WASHC5: variants seen among roughly 807,000 people sequenced by gnomAD.
WASHC5 encodes the protein WASH complex subunit strumpellin.
WASHC5 carries 101 observed loss-of-function variants against 150.4 expected under a neutral mutation model. The ratio of observed to expected loss-of-function variants is 0.67; its 90% CI spans 0.57 to 0.79. WASHC5 has a LOEUF of 0.79. WASHC5 is among the 30% of genes least tolerant of loss of function. The probability of loss-of-function intolerance (pLI) is 0.00; values close to 1 mark genes in which losing one functional copy is unlikely to be tolerated. For missense variants in WASHC5, 1,195 were observed against 1,396.3 expected, an observed-to-expected ratio of 0.86 and a Z score of 2.30; for synonymous variants, 467 against 491.2, an observed-to-expected ratio of 0.95 and a Z score of 0.65.
intron 17 of WASHC5, among the ~76,000 whole-genome samples, chr8:125,051,463 G>A (rs1337395372): frequency 1.3e-5 from 2 of 152,140 alleles, no homozygotes; most frequent in Admixed American, 1.3e-4. Context: ...AACTGCAAGG[G>A]GGTTACAAAA....
intron 8 of WASHC5, 142 bp downstream of exon 8, chr8:125,074,855 AT>A: frequency 1.4e-6 from 1 of 697,240 alleles, no homozygotes; most frequent in Non-Finnish European, 2.6e-6. Flanking sequence ...ATTCTAACCT[AT>A]AAAATTCACC....
intron 9 of WASHC5, among the ~76,000 whole-genome samples, chr8:125,071,105 G>C (rs1371714823): frequency 1.3e-5 from 2 of 152,246 alleles, no homozygotes; most frequent in Non-Finnish European, 2.9e-5. Flanking sequence ...GCCTGTCTCA[G>C]AGTTGGTCCT....
chr8:125,044,358 T>C, intron 21 of WASHC5, 178 bp downstream of exon 21: 2 of 744,830 alleles, frequency 2.7e-6, no homozygotes, highest in South Asian at 3.2e-5. Context: ...AGTACTATGC[T>C]GGCCAAACAA....
chr8:125,045,277 T>A (rs1816028972), intron 20 of WASHC5, among the ~76,000 whole-genome samples: 1 of 152,196 alleles, frequency 6.6e-6, no homozygotes, highest in African/African-American at 2.4e-5. Flanking sequence ...CAACCAACCA[T>A]ATTTACTGGG....
chr8:125,083,086 A>G (rs755988585), intron 3 of WASHC5, 27 bp downstream of exon 3: 2 of 1,381,728 alleles, frequency 1.4e-6, no homozygotes, highest in Non-Finnish European at 2.1e-6. Context: ...TACTACCAGA[A>G]TAAGCTATTC....
chr8:125,061,814 C>G (rs1816603551), intron 11 of WASHC5, among the ~76,000 whole-genome samples: 1 of 152,120 alleles, frequency 6.6e-6, no homozygotes, highest in Non-Finnish European at 1.5e-5. Flanking sequence ...AGGCAAAGTT[C>G]TAAGTATTTG....
intron 5 of WASHC5, 107 bp from the exon 6 acceptor site, chr8:125,079,037 G>C: frequency 1.1e-6 from 1 of 897,832 alleles, no homozygotes; most frequent in Admixed American, 1.9e-5. Flanking sequence ...TATAGTTTCA[G>C]ATATGATCAC....
intron 9 of WASHC5, among the ~76,000 whole-genome samples, chr8:125,072,905 A>C (rs180693013): frequency 1.7e-4 from 26 of 152,300 alleles, no homozygotes; most frequent in African/African-American, 5.8e-4. Flanking sequence ...GATCAGTGAC[A>C]AGCTCCTTGA....
intron 27 of WASHC5, among the ~76,000 whole-genome samples, chr8:125,030,871 G>A (rs940774235): frequency 2.0e-5 from 3 of 152,102 alleles, no homozygotes; most frequent in African/African-American, 7.2e-5. Context: ...GCAAGACATC[G>A]GGAACAGGTG....
intron 9 of WASHC5, among the ~76,000 whole-genome samples, chr8:125,072,399 G>A (rs1432092791): frequency 6.7e-6 from 1 of 150,018 alleles, no homozygotes; most frequent in African/African-American, 2.5e-5. Context: ...TTTGAGACGT[G>A]GTCTTGCTCT....
chr8:125,083,389 G>A, intron 2 of WASHC5, 131 bp from the exon 3 acceptor site: 2 of 813,870 alleles, frequency 2.5e-6, no homozygotes, highest in Non-Finnish European at 3.9e-6. Context: ...ACAGAAAGTA[G>A]TGAAGATAAT....
chr8:125,076,506 A>G lies in WASHC5; in HGVS notation c.712-6T>C. ...GGCAAAGGATACGCTGAGACCTGCA[A>G]TGTCAAGACGACACCCCGAGAAAGC... is the stretch of plus-strand genomic sequence containing the variant. On this transcript the variant is annotated splice_region_variant and splice_polypyrimidine_tract_variant and intron_variant, in intron 6 of 28. Coordinates refer to ENST00000318410, the MANE Select transcript of WASHC5 (RefSeq NM_014846.4). 1.2e-6 allele frequency: 2 copies of G among 1,613,708 alleles called. No homozygotes were observed. Among genetic ancestry groups the G allele is most frequent in the Non-Finnish European group, 1.7e-6 (2 of 1,179,896 alleles).
chr8:125,047,102 A>C lies in WASHC5; in HGVS notation c.2504+105T>G, dbSNP rs568692734. The C allele has an allele frequency of 5.2e-5, 71 of 1,371,658 alleles. 1 individual carries two copies. The South Asian group carries it at 6.8e-4, about 13-fold the overall frequency. The allele number at this position is 1,371,658 out of a possible 1,614,324, so 85.0% of individuals were successfully genotyped here. A position where few individuals can be genotyped will look rare whatever the true frequency, so the allele number is the denominator to read the frequency against. The stretch of plus-strand genomic sequence containing the variant: ...TAAAGGGTCAGAATATGAGTTGACA[A>C]GTGCAGGACCCCCGTGACTGGAATA... On this transcript the variant is annotated intron_variant, in intron 20 of 28. Coordinates refer to ENST00000318410, the MANE Select transcript of WASHC5 (RefSeq NM_014846.4).
intron 1 of WASHC5, among the ~76,000 whole-genome samples, chr8:125,084,649 T>C (rs1472963996): frequency 2.9e-4 from 44 of 152,370 alleles, no homozygotes. Context: ...ATGCACTCTC[T>C]GAGGATGGTT....
Position 125,039,845 on chromosome 8 carries a change from A to G in WASHC5, c.2904T>C (p.Ser968=), listed in dbSNP as rs139669979. The G allele has an allele frequency of 1.2e-6, 2 of 1,613,982 alleles. No homozygotes were observed. The highest frequency in any genetic ancestry group is 1.7e-6 in the Non-Finnish European group (2 of 1,179,978). The part of the protein sequence containing the change: ...RQQIANELNY[S]CRFDSKHLAA... ...CCAGATGTTTAGAATCAAACCGACA[A>G]GAATAATTTAATTCATTGGCAATCT... The change falls in exon 24 of 29, where the codon TCT becomes TCC. Residue 968 remains serine (S), a synonymous_variant. Transcript: ENST00000318410.
chr8:125,072,990 A>T (rs953853417), intron 9 of WASHC5, among the ~76,000 whole-genome samples, 163 bp downstream of exon 9: 1 of 152,214 alleles, frequency 6.6e-6, no homozygotes, highest in African/African-American at 2.4e-5. Context: ...CAGGTATGCT[A>T]GTGGCCTATC....
chr8:125,050,567 G>A lies in WASHC5; in HGVS notation c.2196C>T (p.Ala732=). 2 of 1,612,676 alleles carry A rather than the reference G, an allele frequency of 1.2e-6. No homozygotes were observed. Among genetic ancestry groups the A allele is most frequent in the Non-Finnish European group, 1.7e-6 (2 of 1,178,674 alleles). ...GCCCACTCTGGTCACTGGGTACCTT[G>A]GCTCGAGGGTTGAATATCAGTCCCC... ...LHRGLIFNPR[A]KPSELMPKLK... Residue 732 remains alanine, a synonymous_variant, in exon 18 of 29, where the codon GCC becomes GCT. Transcript: ENST00000318410.
intron 26 of WASHC5, among the ~76,000 whole-genome samples, chr8:125,033,705 C>T (rs1455766904): frequency 6.6e-6 from 1 of 151,952 alleles, no homozygotes; most frequent in Non-Finnish European, 1.5e-5. Flanking sequence ...TGTGCCACCA[C>T]GTCTGGCTAA....
intron 19 of WASHC5, 30 bp downstream of exon 19, chr8:125,048,976 T>C: frequency 1.3e-6 from 2 of 1,549,202 alleles, no homozygotes; most frequent in Non-Finnish European, 1.8e-6. Flanking sequence ...ATAACAAATA[T>C]AGTCAAGAAT....
Sources: allele counts gnomAD v4.1 joint callset (sites outside exome capture counted in the v4.1 genomes callset), GRCh38; gene constraint gnomAD v4.1.1; transcripts MANE v1.5; gene names NCBI Gene and HGNC (gene_info 2026-07-23, HGNC 2026-07-21).